CPA6: variants seen among roughly 807,000 people sequenced by gnomAD.
CPA6 encodes carboxypeptidase A6, also known as carboxypeptidase B.
Under a neutral mutation model 63.3 loss-of-function variants are expected in CPA6, and 58 were observed. The observed-to-expected ratio is 0.92, with a 90% CI of 0.74 to 1.14. The LOEUF (loss-of-function observed/expected upper bound fraction) is 1.14. CPA6 is among the 50% of genes most tolerant of loss of function. The probability of loss-of-function intolerance (pLI) is 0.00; values close to 1 mark genes in which losing one functional copy is unlikely to be tolerated. For missense variants in CPA6, 565 were observed against 526.6 expected (o/e 1.07, Z -0.71); for synonymous variants, 185 against 179.0 (o/e 1.03, Z -0.27).
chr8:67,687,127 G>A (rs1372437336), intron 1 of CPA6, among the ~76,000 whole-genome samples: 1 of 152,076 alleles, frequency 6.6e-6, no homozygotes, highest in African/African-American at 2.4e-5. Context: ...AAATAAAATA[G>A]CAAATTAATT....
intron 2 of CPA6, among the ~76,000 whole-genome samples, chr8:67,593,003 C>A (rs1200583224): frequency 6.6e-6 from 1 of 150,412 alleles, no homozygotes. Context: ...ATCTTTCCTG[C>A]TTTCTCTTGT....
rs1814612716 is a variant in CPA6 at position 67,605,546 on chromosome 8, T to C, written c.192+18630A>G. On this transcript the variant is annotated intron_variant, in intron 2 of 10. Transcript: ENST00000297770. ...TATTGTATTGCTTTTTTTTTTTTTT[T>C]TTTGCATGTTTTCCATCCATGGTTG... is the stretch of plus-strand genomic sequence containing the variant. Among the ~76,000 whole-genome samples, 6 of 138,660 alleles carry C rather than the reference T, an allele frequency of 4.3e-5. No individual in the cohort carries two copies. In the South Asian group the frequency reaches 7.1e-4, roughly 16 times the overall value. The allele number at this position is 138,660 out of a possible 152,430, so 91.0% of individuals were successfully genotyped here.
At chr8:67,464,387 C>T (rs886670739) in intron 8 of CPA6, among the ~76,000 whole-genome samples, 12 of 151,994 alleles carry the variant, frequency 7.9e-5, no homozygotes, top group African/African-American at 2.2e-4. Context: ...TTTTGCTTGT[C>T]GAGTTAAGTT....
chr8:67,532,354 T>C (rs2128969183), intron 2 of CPA6, among the ~76,000 whole-genome samples: 1 of 151,108 alleles, frequency 6.6e-6, no homozygotes, highest in South Asian at 2.1e-4. Context: ...AAATAGAGAA[T>C]ACCATAAATG....
chr8:67,582,426 C>T (rs1476594883), intron 2 of CPA6, among the ~76,000 whole-genome samples: 2 of 152,182 alleles, frequency 1.3e-5, no homozygotes, highest in East Asian at 1.9e-4. Context: ...TCCTGGCCAA[C>T]GTGTAAGAAG....
At chr8:67,459,671 A>G (rs1445822825) in intron 8 of CPA6, among the ~76,000 whole-genome samples, 1 of 152,198 alleles carries the variant, frequency 6.6e-6, no homozygotes, top group Non-Finnish European at 1.5e-5. Flanking sequence ...ATACTCTGTA[A>G]GATACTATAT....
Position 67,607,239 on chromosome 8 carries a change from T to C in CPA6, c.192+16937A>G, listed in dbSNP as rs993355026. Reference sequence around the variant, plus strand: ...TTCTTCTTCTTCTTCTTCTTCTTCTTCTTCTTCTTCTTCTCCTCCTCCTCC... The same window carrying C: ...TTCTTCTTCTTCTTCTTCTTCTTCTCCTTCTTCTTCTTCTCCTCCTCCTCC... On this transcript the variant is annotated intron_variant, in intron 2 of 10. Coordinates refer to ENST00000297770, the MANE Select transcript of CPA6 (RefSeq NM_020361.5). Among the ~76,000 whole-genome samples the C allele has an allele frequency of 9.3e-4, 100 of 107,074 alleles. 4 individuals carry two copies. Among genetic ancestry groups the C allele is most frequent in the African/African-American group, 2.8e-3 (73 of 25,854 alleles). 70.2% of individuals were successfully genotyped at this position (107,074 alleles called of 152,430 possible). A position where few individuals can be genotyped will look rare whatever the true frequency, so the allele number is the denominator to read the frequency against.
chr8:67,575,501 G>A (rs1813600140), intron 2 of CPA6, among the ~76,000 whole-genome samples: 3 of 152,180 alleles, frequency 2.0e-5, no homozygotes, highest in African/African-American at 7.2e-5. Flanking sequence ...CATCACTGAT[G>A]AATGTATAAA....
chr8:67,577,605 A>G (rs1163905266), intron 2 of CPA6, among the ~76,000 whole-genome samples: 1 of 152,222 alleles, frequency 6.6e-6, no homozygotes, highest in Admixed American at 6.5e-5. Flanking sequence ...CAAAAAGGTA[A>G]TAATTGTCTT....
intron 6 of CPA6, among the ~76,000 whole-genome samples, chr8:67,500,492 C>G (rs1298354904): frequency 1.3e-5 from 2 of 152,010 alleles, no homozygotes; most frequent in African/African-American, 2.4e-5. Context: ...CATTTTCATC[C>G]TCTTAACAGT....
chr8:67,627,736 G>A (rs1303950592), intron 1 of CPA6, among the ~76,000 whole-genome samples: 3 of 152,160 alleles, frequency 2.0e-5, no homozygotes, highest in African/African-American at 7.2e-5. Flanking sequence ...TCCATGATAT[G>A]CTTACATTTT....
chr8:67,535,058 T>C (rs185803936), intron 2 of CPA6, among the ~76,000 whole-genome samples: 1 of 152,332 alleles, frequency 6.6e-6, no homozygotes, highest in Non-Finnish European at 1.5e-5. Context: ...TTTTCATGGC[T>C]GCATAGTATT....
At chr8:67,629,150 C>CA (rs199756166) in intron 1 of CPA6, among the ~76,000 whole-genome samples, 3 of 151,310 alleles carry the variant, frequency 2.0e-5, no homozygotes, top group South Asian at 2.1e-4. Context: ...AAAAAACAAA[C>CA]AAAAAAAATC....
chr8:67,664,861 A>G (rs1243251510), intron 1 of CPA6, among the ~76,000 whole-genome samples: 2 of 152,198 alleles, frequency 1.3e-5, no homozygotes, highest in East Asian at 3.9e-4. Flanking sequence ...GCAATCGTGT[A>G]TCATGTTATT....
At chr8:67,470,109 C>T (rs1587461013) in intron 8 of CPA6, among the ~76,000 whole-genome samples, 3 of 151,090 alleles carry the variant, frequency 2.0e-5, no homozygotes, top group South Asian at 2.1e-4. Context: ...CTCACTGCAA[C>T]GTCCACTCCC....
At chr8:67,460,932 C>A (rs1390372426) in intron 8 of CPA6, among the ~76,000 whole-genome samples, 1 of 152,112 alleles carries the variant, frequency 6.6e-6, no homozygotes, top group East Asian at 1.9e-4. Flanking sequence ...GTTGATTAGA[C>A]TAGATTAAAT....
chr8:67,728,581 C>A (rs1397810707), intron 1 of CPA6, among the ~76,000 whole-genome samples: 1 of 152,180 alleles, frequency 6.6e-6, no homozygotes, highest in African/African-American at 2.4e-5. Flanking sequence ...CACTCTAAAT[C>A]TTTGCCTACA....
intron 1 of CPA6, among the ~76,000 whole-genome samples, chr8:67,706,608 A>G (rs1817141018): frequency 6.6e-6 from 1 of 152,188 alleles, no homozygotes; most frequent in Non-Finnish European, 1.5e-5. Flanking sequence ...TGTAAAACAA[A>G]TTCTGTGTGA....
intron 1 of CPA6, among the ~76,000 whole-genome samples, chr8:67,686,749 A>G (rs1816717023): frequency 6.6e-6 from 1 of 152,248 alleles, no homozygotes; most frequent in African/African-American, 2.4e-5. Context: ...CTTAGGGTAC[A>G]TGTCAGCTAA....
Sources: gnomAD v4.1 joint callset for allele counts (sites outside exome capture counted in the v4.1 genomes callset) on GRCh38, gnomAD v4.1.1 for gene constraint, MANE v1.5 for transcripts, NCBI Gene and HGNC (gene_info 2026-07-23, HGNC 2026-07-21) for gene names.